Variants in ZBTB38 observed in about 807,000 individuals in gnomAD.
The protein encoded by ZBTB38 is zinc finger and BTB domain containing 38.
Under a neutral mutation model 76.8 loss-of-function variants are expected in ZBTB38, and 20 were observed. The observed-to-expected ratio is 0.26, with a 90% confidence interval of 0.18 to 0.38. The LOEUF is 0.38. Ranked by LOEUF, ZBTB38 falls within the 10% of genes least tolerant of loss-of-function variation. The pLI, the probability that ZBTB38 is intolerant of heterozygous loss-of-function variation, is 1.00. For missense variants in ZBTB38, 1,082 were observed against 1,482.3 expected, an observed-to-expected ratio of 0.73 and a Z score of 4.43; for synonymous variants, 504 against 544.2, an observed-to-expected ratio of 0.93 and a Z score of 1.03.
chr3:141,328,116 G>A (rs1363564658), intron 1 of ZBTB38, among the ~76,000 whole-genome samples: 1 of 152,122 alleles, frequency 6.6e-6, no homozygotes, highest in Non-Finnish European at 1.5e-5. Flanking sequence ...TCATTCGTTC[G>A]CACGCCGCTG....
chr3:141,437,302 C>T (rs1026095392), intron 5 of ZBTB38, among the ~76,000 whole-genome samples: 1 of 152,158 alleles, frequency 6.6e-6, no homozygotes, highest in African/African-American at 2.4e-5. Context: ...ATCTGCAGCA[C>T]TCAATTCCAG....
intron 1 of ZBTB38, among the ~76,000 whole-genome samples, chr3:141,360,723 A>G (rs907722497): frequency 6.6e-6 from 1 of 152,064 alleles, no homozygotes; most frequent in African/African-American, 2.4e-5. Context: ...TGGACCAGAT[A>G]GTTGTGTTGG....
intron 5 of ZBTB38, among the ~76,000 whole-genome samples, chr3:141,425,388 C>G (rs902790675): frequency 1.3e-5 from 2 of 152,144 alleles, no homozygotes; most frequent in Admixed American, 1.3e-4. Context: ...TCATAAGTGC[C>G]ATATATTACT....
At chr3:141,396,019 A>C (rs1447069972) in intron 4 of ZBTB38, among the ~76,000 whole-genome samples, 1 of 152,248 alleles carries the variant, frequency 6.6e-6, no homozygotes, top group East Asian at 1.9e-4. Context: ...GCTGCTGACT[A>C]ATCAGTGTTG....
chr3:141,345,981 C>T (rs180861783), intron 1 of ZBTB38, among the ~76,000 whole-genome samples: 2 of 152,226 alleles, frequency 1.3e-5, no homozygotes, highest in African/African-American at 4.8e-5. Flanking sequence ...GGCAGGGCTT[C>T]GGGGGCAGTT....
At chr3:141,402,079 G>T (rs2149565908) in intron 4 of ZBTB38, among the ~76,000 whole-genome samples, 1 of 152,348 alleles carries the variant, frequency 6.6e-6, no homozygotes, top group South Asian at 2.1e-4. Flanking sequence ...TTGTCCTTCG[G>T]CAGGTTCTGA....
chr3:141,434,360 C>T (rs887966966), intron 5 of ZBTB38: 1 of 193,640 alleles, frequency 5.2e-6, no homozygotes, highest in African/African-American at 2.7e-5. Context: ...GAAAAGGGAC[C>T]TATGACGAGG....
chr3:141,332,084 A>G (rs1942872706), intron 1 of ZBTB38, among the ~76,000 whole-genome samples: 1 of 152,212 alleles, frequency 6.6e-6, no homozygotes, highest in Non-Finnish European at 1.5e-5. Context: ...GTCAAACACC[A>G]TAACTGAGCA....
intron 1 of ZBTB38, among the ~76,000 whole-genome samples, chr3:141,348,666 A>G (rs1943432919): frequency 6.6e-6 from 1 of 152,258 alleles, no homozygotes; most frequent in Non-Finnish European, 1.5e-5. Flanking sequence ...AAGTGTAAGT[A>G]AAGCACATAA....
chr3:141,350,841 C>T (rs1028456873), intron 1 of ZBTB38, among the ~76,000 whole-genome samples: 1 of 152,096 alleles, frequency 6.6e-6, no homozygotes, highest in East Asian at 1.9e-4. Context: ...AAGAACATTC[C>T]TTTCCTCTAC....
At chr3:141,348,017 A>G (rs934055168) in intron 1 of ZBTB38, among the ~76,000 whole-genome samples, 6 of 152,226 alleles carry the variant, frequency 3.9e-5, no homozygotes, top group Non-Finnish European at 8.8e-5. Context: ...TTTAACATAG[A>G]TTACCCATTA....
chr3:141,396,787 T>C (rs1345278638), intron 4 of ZBTB38, among the ~76,000 whole-genome samples: 1 of 152,270 alleles, frequency 6.6e-6, no homozygotes. Context: ...ACCAGGTATA[T>C]TGTCAATGAG....
intron 5 of ZBTB38, among the ~76,000 whole-genome samples, chr3:141,431,371 A>C (rs1218096866): frequency 7.1e-6 from 1 of 140,956 alleles, no homozygotes; most frequent in Non-Finnish European, 1.5e-5. Context: ...GGGGACTCTG[A>C]GTGTCAGTGG....
upstream of ZBTB38, among the ~76,000 whole-genome samples, chr3:141,363,816 C>A (rs1470944479): frequency 6.6e-6 from 1 of 152,060 alleles, no homozygotes; most frequent in Non-Finnish European, 1.5e-5. Context: ...ACACCATAGG[C>A]AAAATTAACT....
chr3:141,339,187 A>G (rs1182109613), intron 1 of ZBTB38, among the ~76,000 whole-genome samples: 1 of 152,180 alleles, frequency 6.6e-6, no homozygotes, highest in Admixed American at 6.5e-5. Flanking sequence ...CAGGAAACAT[A>G]AAAAGGCTGA....
chr3:141,411,779 T>A (rs1956755888), intron 5 of ZBTB38, among the ~76,000 whole-genome samples: 1 of 152,236 alleles, frequency 6.6e-6, no homozygotes, highest in African/African-American at 2.4e-5. Context: ...CTACACAGTG[T>A]AAAGCAACTT....
intron 2 of ZBTB38, among the ~76,000 whole-genome samples, chr3:141,371,828 C>A (rs1161094853): frequency 6.6e-6 from 1 of 152,160 alleles, no homozygotes; most frequent in African/African-American, 2.4e-5. Context: ...TTTTATGTAA[C>A]CTTCTAACCA....
chr3:141,329,363 T>C (rs1474295688), intron 1 of ZBTB38, among the ~76,000 whole-genome samples: 1 of 152,138 alleles, frequency 6.6e-6, no homozygotes, highest in East Asian at 1.9e-4. Context: ...CATCACTCCA[T>C]CCCTTCCCAC....
intron 4 of ZBTB38, among the ~76,000 whole-genome samples, chr3:141,398,584 C>G (rs941778260): frequency 1.4e-4 from 21 of 152,024 alleles, no homozygotes; most frequent in African/African-American, 5.1e-4. Flanking sequence ...TTTAATGAAC[C>G]CTCAGTTCTT....
Sources: allele counts gnomAD v4.1 joint callset (sites outside exome capture counted in the v4.1 genomes callset), GRCh38; gene constraint gnomAD v4.1.1; transcripts MANE v1.5; gene names NCBI Gene and HGNC (gene_info 2026-07-23, HGNC 2026-07-21).